Variants in ADAMTSL1 observed in about 807,000 individuals in gnomAD.
The protein encoded by ADAMTSL1 is ADAMTS-like protein 1.
In ADAMTSL1, 126 loss-of-function variants were observed where a neutral mutation model predicts 201.8. The observed-to-expected ratio is 0.62, with a 90% confidence interval of 0.54 to 0.72. ADAMTSL1 has a LOEUF of 0.72. ADAMTSL1 is among the 30% of genes least tolerant of loss of function. The probability of loss-of-function intolerance (pLI) is 0.00; values close to 1 mark genes in which losing one functional copy is unlikely to be tolerated. For missense variants in ADAMTSL1, 2,679 were observed against 2,277.8 expected (o/e 1.18, Z -3.59); for synonymous variants, 1,121 against 903.4 (o/e 1.24, Z -4.32).
chr9:18,069,583 A>G (rs1037927178), intron 1 of ADAMTSL1, among the ~76,000 whole-genome samples: 4 of 152,204 alleles, frequency 2.6e-5, no homozygotes, highest in Non-Finnish European at 5.9e-5. Context: ...ATGGGTCAAA[A>G]TTTATAGTTT....
intron 1 of ADAMTSL1, among the ~76,000 whole-genome samples, chr9:18,083,164 T>TTCAA (rs1823587828): frequency 6.6e-6 from 1 of 152,180 alleles, no homozygotes; most frequent in Non-Finnish European, 1.5e-5. Flanking sequence ...GCCTTTAAGT[T>TTCAA]TGGCTACTAT....
chr9:18,298,567 G>A (rs1002399221), intron 2 of ADAMTSL1, among the ~76,000 whole-genome samples: 3 of 151,666 alleles, frequency 2.0e-5, no homozygotes, highest in Admixed American at 2.0e-4. Context: ...GTGTTATTCA[G>A]TGCTTATTGT....
intron 2 of ADAMTSL1, among the ~76,000 whole-genome samples, chr9:18,189,967 C>T (rs1302411823): frequency 6.6e-6 from 1 of 152,136 alleles, no homozygotes; most frequent in Non-Finnish European, 1.5e-5. Flanking sequence ...AAACTGGCTG[C>T]TTTTTGGCAG....
chr9:18,283,386 C>T lies in ADAMTSL1; in HGVS notation c.207+119405C>T, dbSNP rs150477615. ...TTGGGAGGCCAAGGCAGGAGGATCA[C>T]TTAAGCCCAGAACTTTGAAAACAAC... On this transcript the variant is annotated intron_variant, in intron 2 of 29. Transcript: ENST00000680146. Among the ~76,000 whole-genome samples, 123 of 152,098 alleles carry T rather than the reference C, an allele frequency of 8.1e-4. 2 individuals carry two copies. Among genetic ancestry groups the T allele is most frequent in the African/African-American group, 3.0e-3 (123 of 41,492 alleles).
At chr9:18,161,833 G>T (rs1420160949) in intron 1 of ADAMTSL1, among the ~76,000 whole-genome samples, 1 of 152,014 alleles carries the variant, frequency 6.6e-6, no homozygotes. Context: ...AGTAATTTAG[G>T]TTAGCCAGAA....
chr9:18,131,039 C>T (rs1825929810), intron 1 of ADAMTSL1, among the ~76,000 whole-genome samples: 1 of 152,100 alleles, frequency 6.6e-6, no homozygotes, highest in Admixed American at 6.6e-5. Flanking sequence ...ATAACTAATC[C>T]TAAAAGTAGA....
At chr9:18,666,324 G>A (rs1002579535) in intron 9 of ADAMTSL1, among the ~76,000 whole-genome samples, 1 of 152,146 alleles carries the variant, frequency 6.6e-6, no homozygotes, top group Non-Finnish European at 1.5e-5. Flanking sequence ...AGAAAGTAAA[G>A]TATAAAGATT....
intron 2 of ADAMTSL1, among the ~76,000 whole-genome samples, chr9:18,221,164 G>T (rs921202287): frequency 4.6e-5 from 7 of 152,098 alleles, no homozygotes; most frequent in Admixed American, 3.3e-4. Flanking sequence ...GCTGTAGAAT[G>T]TTTAATTTCA....
At chr9:18,847,574 A>G (rs530604747) in intron 23 of ADAMTSL1, among the ~76,000 whole-genome samples, 32 of 152,344 alleles carry the variant, frequency 2.1e-4, no homozygotes, top group African/African-American at 6.0e-4. Context: ...TTAAAATACA[A>G]CAGGCCAGAG....
intron 26 of ADAMTSL1, among the ~76,000 whole-genome samples, chr9:18,897,266 C>T (rs573536470): frequency 6.6e-6 from 1 of 152,228 alleles, no homozygotes; most frequent in South Asian, 2.1e-4. Flanking sequence ...AGTCTCTGCC[C>T]TTGAGTTACT....
chr9:17,939,247 G>A (rs1458254640), intron 1 of ADAMTSL1, among the ~76,000 whole-genome samples: 6 of 151,114 alleles, frequency 4.0e-5, no homozygotes, highest in African/African-American at 1.2e-4. Flanking sequence ...ATTTCTTTTA[G>A]CATGAATGTG....
At chr9:18,192,911 G>A (rs914510389) in intron 2 of ADAMTSL1, among the ~76,000 whole-genome samples, 4 of 152,076 alleles carry the variant, frequency 2.6e-5, no homozygotes, top group Admixed American at 6.6e-5. Context: ...TTTAAAAGTA[G>A]ATCATTTCTG....
At chr9:18,451,651 T>G (rs956161829) in intron 2 of ADAMTSL1, among the ~76,000 whole-genome samples, 2 of 152,246 alleles carry the variant, frequency 1.3e-5, no homozygotes, top group Admixed American at 6.5e-5. Flanking sequence ...ACTAATTTAC[T>G]CTATCTGAAC....
chr9:17,989,868 TC>T (rs1207416681), intron 1 of ADAMTSL1, among the ~76,000 whole-genome samples: 1 of 151,876 alleles, frequency 6.6e-6, no homozygotes. Context: ...TTCTAAGTCT[TC>T]AAGTATTCTA....
At chr9:18,492,914 A>C (rs2131863266) in intron 1 of ADAMTSL1, among the ~76,000 whole-genome samples, 1 of 152,298 alleles carries the variant, frequency 6.6e-6, no homozygotes, top group South Asian at 2.1e-4. Context: ...CCTGTTTAGA[A>C]GTTTTTGCTA....
intron 5 of ADAMTSL1, among the ~76,000 whole-genome samples, chr9:18,632,761 A>G (rs569666037): frequency 1.4e-4 from 21 of 152,294 alleles, no homozygotes; most frequent in African/African-American, 4.6e-4. Context: ...AGAATAATAT[A>G]TAAGAGAAGG....
intron 16 of ADAMTSL1, among the ~76,000 whole-genome samples, chr9:18,762,944 G>T (rs1820157224): frequency 6.6e-6 from 1 of 152,088 alleles, no homozygotes. Context: ...CTATTGTAAA[G>T]AATATATACA....
chr9:18,534,736 T>G (rs1819650852), intron 3 of ADAMTSL1, among the ~76,000 whole-genome samples: 1 of 152,226 alleles, frequency 6.6e-6, no homozygotes, highest in African/African-American at 2.4e-5. Context: ...ACCTCAATTC[T>G]TCTGCACACC....
chr9:18,404,842 C>T (rs906275573), intron 2 of ADAMTSL1, among the ~76,000 whole-genome samples: 9 of 152,292 alleles, frequency 5.9e-5, no homozygotes, highest in Non-Finnish European at 1.0e-4. Context: ...GAATGGAAAA[C>T]AATTACTCAC....
Sources: allele counts gnomAD v4.1 joint callset (sites outside exome capture counted in the v4.1 genomes callset), GRCh38; gene constraint gnomAD v4.1.1; transcripts MANE v1.5; gene names NCBI Gene and HGNC (gene_info 2026-07-23, HGNC 2026-07-21).